The following PCDHA9 variants were observed in gnomAD, a reference collection of about 807,000 sequenced individuals.
PCDHA9 encodes protocadherin alpha 9, also known as protocadherin alpha-9.
Under a neutral mutation model 62.0 loss-of-function variants are expected in PCDHA9, and 62 were observed. The ratio of observed to expected loss-of-function variants is 1.00; its 90% CI spans 0.81 to 1.23. PCDHA9 has a LOEUF of 1.23. Among genes scored for constraint, PCDHA9 ranks in the 50% most tolerant of loss-of-function variants. PCDHA9 has a pLI of 0.00. For synonymous variants in PCDHA9, 557 were observed against 567.6 expected, an observed-to-expected ratio of 0.98 and a Z score of 0.27; for missense variants, 1,205 against 1,249.8, an observed-to-expected ratio of 0.96 and a Z score of 0.54.
chr5:140,886,827 G>GAAAA (rs782016620), intron 1 of PCDHA9, among the ~76,000 whole-genome samples: 11 of 60,864 alleles, frequency 1.8e-4, no homozygotes, highest in Admixed American at 1.8e-4. Context: ...ACTTCGTCTT[G>GAAAA]AAAAAAAAAA....
intron 1 of PCDHA9, among the ~76,000 whole-genome samples, chr5:140,943,845 C>A (rs59104695): frequency 3.3e-5 from 5 of 152,226 alleles, no homozygotes; most frequent in Admixed American, 1.3e-4. Flanking sequence ...TGTAAGATGT[C>A]ACAGAAGTCA....
intron 1 of PCDHA9, among the ~76,000 whole-genome samples, chr5:140,889,996 A>G (rs1162958741): frequency 5.3e-5 from 8 of 152,152 alleles, no homozygotes; most frequent in African/African-American, 1.9e-4. Flanking sequence ...TAGCTTTCCA[A>G]GCTTAGGTGC....
chr5:140,989,948 C>T (rs1046056940), intron 3 of PCDHA9, among the ~76,000 whole-genome samples: 2 of 151,988 alleles, frequency 1.3e-5, no homozygotes, highest in Admixed American at 6.6e-5. Context: ...ACGTTTTTCT[C>T]GGTGAGACCA....
intron 3 of PCDHA9, among the ~76,000 whole-genome samples, chr5:140,989,525 GAGGA>G (rs2097345403): frequency 6.6e-6 from 1 of 152,218 alleles, no homozygotes; most frequent in African/African-American, 2.4e-5. Flanking sequence ...GAGGGCAGAG[GAGGA>G]AGATAGTTTG....
chr5:140,883,627 G>T (rs781902332), intron 1 of PCDHA9: 78 of 1,613,816 alleles, frequency 4.8e-5, no homozygotes, highest in Non-Finnish European at 6.2e-5. Flanking sequence ...ACAACGCGCC[G>T]GCGTTCGCGC....
chr5:140,929,436 C>T, intron 1 of PCDHA9: 1 of 1,470,330 alleles, frequency 6.8e-7, no homozygotes, highest in Non-Finnish European at 9.1e-7. Context: ...TTGAACTAAA[C>T]ACTCCTTCTT....
intron 1 of PCDHA9, among the ~76,000 whole-genome samples, chr5:140,964,575 G>A (rs2153740589): frequency 6.6e-6 from 1 of 152,212 alleles, no homozygotes; most frequent in East Asian, 1.9e-4. Flanking sequence ...GGAGATAAGG[G>A]GAGGAAAGAT....
Position 140,858,384 on chromosome 5 carries a change from T to C in PCDHA9, c.2394+7495T>C, listed in dbSNP as rs782413045. 1.8e-5 allele frequency: 29 copies of C among 1,582,610 alleles called. 1 individual carries two copies. The East Asian group carries it at 3.6e-4, about 20-fold the overall frequency. ...AGCCCCAGCCTTCCACCATGCCCAA[T>C]GGTAGATGTGGACGGGGAAGATCAG... On this transcript the variant is annotated intron_variant, in intron 1 of 3. Coordinates refer to ENST00000532602, the MANE Select transcript of PCDHA9 (RefSeq NM_031857.2).
At chr5:140,928,123 T>C in intron 1 of PCDHA9, 1 of 1,614,200 alleles carries the variant, frequency 6.2e-7, no homozygotes, top group Non-Finnish European at 8.5e-7. Context: ...GATCAGTGAA[T>C]ACCAAGTCCT....
chr5:140,868,751 C>A, intron 1 of PCDHA9: 1 of 215,966 alleles, frequency 4.6e-6, no homozygotes, highest in Non-Finnish European at 9.2e-6. Flanking sequence ...ATGCCATTTC[C>A]ATATATATTT....
intron 1 of PCDHA9, chr5:140,882,745 T>A (rs782756975): frequency 4.3e-6 from 7 of 1,614,124 alleles, no homozygotes; most frequent in African/African-American, 1.3e-5. Flanking sequence ...GCGCATCCGA[T>A]GCAGATATTG....
intron 2 of PCDHA9, among the ~76,000 whole-genome samples, chr5:140,981,687 A>ATCATTCAT (rs200213847): frequency 0.01 from 1,586 of 152,088 alleles, 32 homozygotes; most frequent in African/African-American, 0.036. Flanking sequence ...CCTCCCTTCC[A>ATCATTCAT]TCATTCATTC....
chr5:140,969,095 C>T, intron 1 of PCDHA9: 1 of 1,614,168 alleles, frequency 6.2e-7, no homozygotes, highest in East Asian at 2.2e-5. Flanking sequence ...AGTGCAGCCT[C>T]ACTTCATTGA....
chr5:140,900,717 A>G (rs2068252980), intron 1 of PCDHA9, among the ~76,000 whole-genome samples: 1 of 152,136 alleles, frequency 6.6e-6, no homozygotes, highest in South Asian at 2.1e-4. Flanking sequence ...AAGAAAGGAA[A>G]TCCTACCTAG....
rs372608018 is a variant in PCDHA9, at chr5:140,875,736, T to C, written c.2394+24847T>C. The C allele has an allele frequency of 2.5e-6, 4 of 1,614,088 alleles. No homozygotes were observed. The African/African-American group carries it at 4.0e-5, about 16-fold the overall frequency. ...AGAATGGCATTTTGTTTGTGAATTCTCGGATCGACCGCGAGAAGCTGTGCG... is the reference window on the plus strand; with the variant it reads ...AGAATGGCATTTTGTTTGTGAATTCCCGGATCGACCGCGAGAAGCTGTGCG... On this transcript the variant is annotated intron_variant, in intron 1 of 3. Transcript: ENST00000532602.
In PCDHA9 at chr5:141,003,833, A is replaced by G. The variant is rs1215772990; in HGVS notation, c.2543-5794A>G. On this transcript the variant is annotated intron_variant, in intron 3 of 3. Transcript: ENST00000532602. ...AGTCTGGGAAGGGCTCTGCCTAACG[A>G]TTCAGACCCCTACCAGATTTATATG... is the stretch of plus-strand genomic sequence containing the variant. 2.6e-5 allele frequency among the ~76,000 whole-genome samples: 4 copies of G among 152,176 alleles called. No individual in the cohort carries two copies. In the East Asian group the frequency reaches 7.7e-4, roughly 29 times the overall value.
intron 1 of PCDHA9, among the ~76,000 whole-genome samples, chr5:140,937,771 G>T (rs558321540): frequency 6.6e-6 from 1 of 151,436 alleles, no homozygotes; most frequent in Non-Finnish European, 1.5e-5. Context: ...AATTAGTCGG[G>T]CGTGGTGGCG....
At chr5:141,002,097 G>A (rs782083569) in intron 3 of PCDHA9, among the ~76,000 whole-genome samples, 3 of 152,230 alleles carry the variant, frequency 2.0e-5, no homozygotes, top group Non-Finnish European at 4.4e-5. Flanking sequence ...TCCAGGGGCT[G>A]GGCCGGAAAC....
intron 3 of PCDHA9, among the ~76,000 whole-genome samples, chr5:140,990,586 A>G (rs544396898): frequency 7.2e-5 from 11 of 152,284 alleles, no homozygotes; most frequent in African/African-American, 2.6e-4. Flanking sequence ...CTTTTCCTAT[A>G]ATCACCTGGA....
Sources: gnomAD v4.1 joint callset for allele counts (sites outside exome capture counted in the v4.1 genomes callset) on GRCh38, gnomAD v4.1.1 for gene constraint, MANE v1.5 for transcripts, NCBI Gene and HGNC (gene_info 2026-07-23, HGNC 2026-07-21) for gene names.